The following ZNF451 variants were observed in gnomAD, a reference collection of about 807,000 sequenced individuals.
ZNF451 encodes the protein zinc finger protein 451, also known as E3 SUMO-protein ligase ZNF451.
In ZNF451, 80 loss-of-function variants were observed where a neutral mutation model predicts 107.1. The ratio of observed to expected loss-of-function variants is 0.75; its 90% CI spans 0.62 to 0.90. The LOEUF is 0.90. Ranked by LOEUF, ZNF451 falls within the 40% of genes least tolerant of loss-of-function variation. The probability of loss-of-function intolerance (pLI) is 0.00; values close to 1 mark genes in which losing one functional copy is unlikely to be tolerated. For missense variants in ZNF451, 1,107 were observed against 1,236.2 expected, an observed-to-expected ratio of 0.90 and a Z score of 1.57; for synonymous variants, 362 against 406.5, an observed-to-expected ratio of 0.89 and a Z score of 1.32.
chr6:57,097,637 A>G (rs549329091), intron 2 of ZNF451, among the ~76,000 whole-genome samples: 79 of 152,276 alleles, frequency 5.2e-4, no homozygotes, highest in African/African-American at 1.9e-3. Flanking sequence ...CACATTTAAC[A>G]CTGACAGCTT....
Position 57,162,094 on chromosome 6 carries a change from A to G in ZNF451, c.3139+942A>G, listed in dbSNP as rs531192604. Among the ~76,000 whole-genome samples the G allele has an allele frequency of 3.3e-5, 5 of 152,312 alleles. 1 individual carries two copies. The South Asian group carries it at 1.0e-3, about 32-fold the overall frequency. On this transcript the variant is annotated intron_variant, in intron 14 of 14. Transcript: ENST00000370706. ...AAAATACTTTGAGCTTCACTGGAGA[A>G]GTTGAAAGTGTTATATCGGCATCTT... is the stretch of plus-strand genomic sequence containing the variant.
chr6:57,119,693 T>C (rs1002964910), intron 3 of ZNF451, among the ~76,000 whole-genome samples: 2 of 151,928 alleles, frequency 1.3e-5, no homozygotes, highest in African/African-American at 4.8e-5. Context: ...ACTATCCTCA[T>C]TGGAAACTAC....
At chr6:57,112,766 G>C (rs1380569455) in intron 3 of ZNF451, among the ~76,000 whole-genome samples, 1 of 152,130 alleles carries the variant, frequency 6.6e-6, no homozygotes, top group African/African-American at 2.4e-5. Flanking sequence ...GAGAGGTCTA[G>C]TGACTTCATG....
chr6:57,095,811 TTTTTTG>T (rs1338387331), intron 2 of ZNF451, among the ~76,000 whole-genome samples: 2 of 130,930 alleles, frequency 1.5e-5, no homozygotes, highest in Non-Finnish European at 3.3e-5. Flanking sequence ...GCAGCTTTTT[TTTTTTG>T]TTGTTGTTGT....
At position 57,150,773 on chromosome 6, in the gene ZNF451, T is replaced by C; in HGVS notation, c.2663T>C (p.Ile888Thr). ...DLDYLRTMTHIVFVDFDNWSN... is the reference protein window; with the variant it reads ...DLDYLRTMTHTVFVDFDNWSN... ...GATTACCTGCGAACCATGACTCATATAGTCTTTGTAGATTTTGATAACTGG... is the reference window on the plus strand; with the variant it reads ...GATTACCTGCGAACCATGACTCATACAGTCTTTGTAGATTTTGATAACTGG... The change falls in exon 11 of 15, where the codon ATA becomes ACA. Residue 888 changes from isoleucine (I) to threonine (T), a missense_variant. This residue lies in a region of ZNF451 where 608 missense variants were observed against 649.2 expected (regional missense o/e 0.94). Coordinates refer to ENST00000370706, the MANE Select transcript of ZNF451 (RefSeq NM_001031623.3). 3 of 1,614,010 alleles carry C rather than the reference T, an allele frequency of 1.9e-6. No homozygotes were observed. The highest frequency in any genetic ancestry group is 2.5e-6 in the Non-Finnish European group (3 of 1,179,960).
intron 3 of ZNF451, chr6:57,101,939 A>T (rs1314624196): frequency 3.9e-6 from 6 of 1,550,444 alleles, no homozygotes; most frequent in Non-Finnish European, 5.2e-6. Flanking sequence ...AAAGATCACA[A>T]ATACTATAAT....
At chr6:57,134,593 G>A in intron 6 of ZNF451, 151 bp from the exon 7 acceptor site, 2 of 582,612 alleles carry the variant, frequency 3.4e-6, no homozygotes, top group Non-Finnish European at 5.7e-6. Context: ...GATATTTACT[G>A]TATATGAAGA....
chr6:57,097,003 C>T, intron 2 of ZNF451, among the ~76,000 whole-genome samples: 1 of 151,858 alleles, frequency 6.6e-6, no homozygotes, highest in Non-Finnish European at 1.5e-5. Flanking sequence ...CTCCTGACCT[C>T]AAGTCATCTA....
At chr6:57,096,801 A>T (rs147920383) in intron 2 of ZNF451, among the ~76,000 whole-genome samples, 8,675 of 106,180 alleles carry the variant, frequency 0.082, 422 homozygotes, top group East Asian at 0.12. Context: ...TTTGTGACAG[A>T]GTCTTGCTCT....
chr6:57,163,606 A>G (rs60975434), intron 14 of ZNF451, among the ~76,000 whole-genome samples: 1 of 148,362 alleles, frequency 6.7e-6, no homozygotes, highest in Non-Finnish European at 1.5e-5. Flanking sequence ...GCCCGCCACC[A>G]CGCCCGGCTA....
At chr6:57,107,750 C>T in intron 3 of ZNF451, 2 of 985,078 alleles carry the variant, frequency 2.0e-6, no homozygotes, top group Non-Finnish European at 2.4e-6. Context: ...TCTTTTAGGA[C>T]TTTGGAGATC....
At chr6:57,132,279 TATC>T (rs1475242214) in intron 5 of ZNF451, among the ~76,000 whole-genome samples, 1 of 152,232 alleles carries the variant, frequency 6.6e-6, no homozygotes, top group African/African-American at 2.4e-5. Flanking sequence ...ATAACACACT[TATC>T]CTCCTTGCTT....
intron 3 of ZNF451, chr6:57,115,516 G>A (rs1032805559): frequency 6.6e-6 from 1 of 152,090 alleles, no homozygotes; most frequent in Non-Finnish European, 1.5e-5. Context: ...CCTCAATATG[G>A]CTATCATTTC....
chr6:57,105,079 A>G (rs1367749610), intron 3 of ZNF451: 2 of 985,274 alleles, frequency 2.0e-6, no homozygotes, highest in Non-Finnish European at 2.4e-6. Context: ...GTCTAGGGAG[A>G]TTACCCCAAT....
chr6:57,130,354 T>A (rs1408079849), intron 5 of ZNF451, among the ~76,000 whole-genome samples: 1 of 152,142 alleles, frequency 6.6e-6, no homozygotes, highest in African/African-American at 2.4e-5. Flanking sequence ...GTTTTAAAAA[T>A]CCCTCTTCAT....
chr6:57,148,701 T>G lies in ZNF451; in HGVS notation c.2608+8T>G. On this transcript the variant is annotated splice_region_variant and intron_variant, in intron 10 of 14. Transcript: ENST00000370706. Reference sequence around the variant, plus strand: ...TAAGCTATCAGAATATAGGTATGGCTTTATAGCTCTATGCAAATTTCATAT... The same window carrying G: ...TAAGCTATCAGAATATAGGTATGGCGTTATAGCTCTATGCAAATTTCATAT... 2 of 1,572,450 alleles carry G rather than the reference T, an allele frequency of 1.3e-6. No homozygotes were observed. The highest frequency in any genetic ancestry group is 1.7e-6 in the Non-Finnish European group (2 of 1,162,236).
chr6:57,098,833 T>C (rs572533395), intron 2 of ZNF451, among the ~76,000 whole-genome samples: 4 of 152,336 alleles, frequency 2.6e-5, no homozygotes, highest in African/African-American at 9.6e-5. Flanking sequence ...GGCCCTAATA[T>C]TCTACAGGGG....
intron 10 of ZNF451, 106 bp downstream of exon 10, chr6:57,148,799 G>GT: frequency 9.5e-7 from 1 of 1,055,594 alleles, no homozygotes; most frequent in East Asian, 2.5e-5. Context: ...CTTCTTGATG[G>GT]TATGTTAATT....
intron 13 of ZNF451, chr6:57,158,652 T>C: frequency 1.0e-6 from 1 of 985,442 alleles, no homozygotes; most frequent in Non-Finnish European, 1.2e-6. Context: ...TTAATCGATA[T>C]AAATGTTCCA....
Sources: gnomAD v4.1 joint callset for allele counts (sites outside exome capture counted in the v4.1 genomes callset) on GRCh38, gnomAD v4.1.1 for gene constraint, gnomAD v4.1.1 regional missense constraint, MANE v1.5 for transcripts, NCBI Gene and HGNC (gene_info 2026-07-23, HGNC 2026-07-21) for gene names.